Variants in PPP2R2C observed in about 807,000 individuals in gnomAD.
PPP2R2C encodes protein phosphatase 2, regulatory subunit B, gamma.
In PPP2R2C, 10 loss-of-function variants were observed where a neutral mutation model predicts 45.3. That is an observed-to-expected ratio of 0.22 (90% CI 0.14 to 0.37). PPP2R2C has a LOEUF of 0.37. Ranked by LOEUF, PPP2R2C falls within the 10% of genes least tolerant of loss-of-function variation. The pLI, the probability that PPP2R2C is intolerant of heterozygous loss-of-function variation, is 1.00. For missense variants in PPP2R2C, 308 were observed against 619.7 expected (o/e 0.50, Z 5.34); for synonymous variants, 257 against 245.4 (o/e 1.05, Z -0.44).
chr4:6,407,317 C>G (rs1026261200), intron 1 of PPP2R2C, among the ~76,000 whole-genome samples: 47 of 152,234 alleles, frequency 3.1e-4, no homozygotes, highest in Non-Finnish European at 3.7e-4. Context: ...AAACAGGACA[C>G]AAGTCAGGAT....
intron 1 of PPP2R2C, among the ~76,000 whole-genome samples, chr4:6,540,637 T>G (rs951874214): frequency 1.3e-5 from 2 of 152,262 alleles, no homozygotes; most frequent in Non-Finnish European, 2.9e-5. Flanking sequence ...TTTAACCTTT[T>G]GAGGAACTGC....
At chr4:6,478,128 G>A (rs1215717994) in intron 2 of PPP2R2C, among the ~76,000 whole-genome samples, 1 of 152,158 alleles carries the variant, frequency 6.6e-6, no homozygotes, top group Non-Finnish European at 1.5e-5. Flanking sequence ...ACACACTCAT[G>A]CTCCCGCCGA....
intron 1 of PPP2R2C, chr4:6,383,758 GA>G: frequency 1.1e-6 from 1 of 935,020 alleles, no homozygotes; most frequent in African/African-American, 1.8e-5. Context: ...TAAACTTCAT[GA>G]GGGCAGGAGC....
intron 1 of PPP2R2C, chr4:6,384,056 G>C: frequency 4.1e-6 from 4 of 985,396 alleles, no homozygotes; most frequent in East Asian, 1.1e-4. Flanking sequence ...AGCTCTGTGG[G>C]AACACGGAAA....
chr4:6,550,182 G>T (rs1725136893), intron 1 of PPP2R2C, among the ~76,000 whole-genome samples: 1 of 151,914 alleles, frequency 6.6e-6, no homozygotes. Context: ...GTCCCCCACT[G>T]GTGGAATGAG....
At chr4:6,383,739 G>A in intron 1 of PPP2R2C, 2 of 844,080 alleles carry the variant, frequency 2.4e-6, no homozygotes, top group South Asian at 3.2e-5. Context: ...TCTCTTCCTG[G>A]CCAGAACGTA....
intron 5 of PPP2R2C, among the ~76,000 whole-genome samples, chr4:6,371,945 A>G (rs1381265314): frequency 6.6e-6 from 1 of 152,080 alleles, no homozygotes; most frequent in Non-Finnish European, 1.5e-5. Context: ...TGCTCATGTC[A>G]TCACCAGCTC....
intron 2 of PPP2R2C, among the ~76,000 whole-genome samples, chr4:6,512,527 GTGATGGTGATGGTGGTGA>G (rs1723674589): frequency 3.8e-5 from 4 of 105,130 alleles, no homozygotes; most frequent in African/African-American, 7.2e-5. Flanking sequence ...GGTGGTGGTG[GTGATGGTGATGGTGGTGA>G]TGGTGGTGAT....
chr4:6,381,889 C>T, intron 1 of PPP2R2C: 1 of 1,601,712 alleles, frequency 6.2e-7, no homozygotes. Flanking sequence ...GGGGAACACC[C>T]CTTCCATCAC....
chr4:6,558,313 C>T (rs1407758640), intron 1 of PPP2R2C, among the ~76,000 whole-genome samples: 9 of 152,228 alleles, frequency 5.9e-5, no homozygotes, highest in Non-Finnish European at 1.2e-4. Context: ...TAAGGGGCCC[C>T]ATCCCCTTGC....
At chr4:6,370,171 CTG>C (rs1714682234) in intron 5 of PPP2R2C, among the ~76,000 whole-genome samples, 1 of 152,212 alleles carries the variant, frequency 6.6e-6, no homozygotes. Context: ...GGCAAAAGCC[CTG>C]GACCAGGCAT....
chr4:6,486,524 T>A (rs1438568229), intron 2 of PPP2R2C, among the ~76,000 whole-genome samples: 1 of 152,130 alleles, frequency 6.6e-6, no homozygotes, highest in Non-Finnish European at 1.5e-5. Flanking sequence ...CTTGCAGTTC[T>A]ATCATTTTTG....
intron 2 of PPP2R2C, among the ~76,000 whole-genome samples, chr4:6,493,795 C>A (rs10937738): frequency 0.33 from 49,607 of 151,730 alleles, 9,358 homozygotes; most frequent in East Asian, 0.74. Flanking sequence ...CCAGCCCCCA[C>A]CCTGATTAAT....
chr4:6,543,809 G>A (rs1724885421), intron 1 of PPP2R2C, among the ~76,000 whole-genome samples: 1 of 152,194 alleles, frequency 6.6e-6, no homozygotes, highest in Non-Finnish European at 1.5e-5. Context: ...TCATGACCAT[G>A]AGCAAGAAAC....
chr4:6,560,256 T>C (rs554387514), intron 1 of PPP2R2C, among the ~76,000 whole-genome samples: 22 of 152,364 alleles, frequency 1.4e-4, no homozygotes, highest in African/African-American at 5.3e-4. Context: ...CCCAGGCTCT[T>C]GGCTACCAGA....
In PPP2R2C at chr4:6,408,708, C is replaced by T. The variant is rs192581291; in HGVS notation, c.71-27614G>A. ...CTGGGAATCTGAATTTTAAACAAGT[C>T]CCTGAGCACTTGGGCCACAGGTGAT... On this transcript the variant is annotated intron_variant, in intron 1 of 8. Transcript: ENST00000382599. Among the ~76,000 whole-genome samples, 112 of 152,192 alleles carry T rather than the reference C, an allele frequency of 7.4e-4. No individual in the cohort carries two copies. In the East Asian group the frequency reaches 0.019, roughly 25 times the overall value.
intron 2 of PPP2R2C, among the ~76,000 whole-genome samples, chr4:6,525,612 A>T (rs1724172737): frequency 6.6e-6 from 1 of 152,198 alleles, no homozygotes; most frequent in Non-Finnish European, 1.5e-5. Flanking sequence ...GGTTAAGCAG[A>T]AACCAGCCCT....
rs964801505 is a variant in PPP2R2C at position 6,371,665 on chromosome 4, C to A, written c.625+858G>T. On this transcript the variant is annotated intron_variant, in intron 5 of 8. Coordinates refer to ENST00000382599, the MANE Select transcript of PPP2R2C (RefSeq NM_020416.4). ...ACACTTGCTGGCTGTGAGCTTTGAG[C>A]AAGTTAACTTGAGTGCTCTGTGACT... Among the ~76,000 whole-genome samples, 3 of 152,176 alleles carry A rather than the reference C, an allele frequency of 2.0e-5. No homozygotes were observed. The East Asian group carries it at 5.8e-4, about 29-fold the overall frequency.
chr4:6,525,904 A>G (rs1248216104), intron 2 of PPP2R2C, among the ~76,000 whole-genome samples: 3 of 152,044 alleles, frequency 2.0e-5, no homozygotes, highest in Non-Finnish European at 4.4e-5. Context: ...GCGTTTCACC[A>G]TGTTGGCCAG....
Sources: allele counts gnomAD v4.1 joint callset (sites outside exome capture counted in the v4.1 genomes callset), GRCh38; gene constraint gnomAD v4.1.1; transcripts MANE v1.5; gene names NCBI Gene and HGNC (gene_info 2026-07-23, HGNC 2026-07-21).